The following RALGPS2 variants were observed in gnomAD, a reference collection of about 807,000 sequenced individuals.
RALGPS2 encodes ras-specific guanine nucleotide-releasing factor RalGPS2.
In RALGPS2, 43 loss-of-function variants were observed where a neutral mutation model predicts 86.8. The observed-to-expected ratio is 0.50, with a 90% CI of 0.39 to 0.64. The LOEUF (loss-of-function observed/expected upper bound fraction) is 0.64, where lower values mean the gene tolerates loss of function less well. Ranked by LOEUF, RALGPS2 falls within the 30% of genes least tolerant of loss-of-function variation. RALGPS2 has a pLI of 0.00. For missense variants in RALGPS2, 536 were observed against 694.6 expected (o/e 0.77, Z 2.57); for synonymous variants, 243 against 231.3 (o/e 1.05, Z -0.46).
At chr1:178,894,235 C>T (rs1171075169) in intron 16 of RALGPS2, 8 of 378,208 alleles carry the variant, frequency 2.1e-5, no homozygotes, top group African/African-American at 6.2e-5. Flanking sequence ...ACCAAATTAC[C>T]ATCATTTGGA....
At chr1:178,813,019 GC>G (rs1655059219) in intron 6 of RALGPS2, among the ~76,000 whole-genome samples, 1 of 143,944 alleles carries the variant, frequency 6.9e-6, no homozygotes, top group African/African-American at 2.6e-5. Context: ...TGCAAACTCT[GC>G]CTCCCGAGTT....
At chr1:178,896,665 T>G (rs1440588293) in intron 16 of RALGPS2, among the ~76,000 whole-genome samples, 3 of 141,920 alleles carry the variant, frequency 2.1e-5, no homozygotes, top group Non-Finnish European at 4.6e-5. Context: ...CCTGTGTCCA[T>G]GTGATCTCAT....
chr1:178,761,116 A>G (rs1352700590), intron 1 of RALGPS2, among the ~76,000 whole-genome samples: 1 of 151,810 alleles, frequency 6.6e-6, no homozygotes, highest in Non-Finnish European at 1.5e-5. Context: ...CTGACATTAC[A>G]GGTATGTGCC....
intron 14 of RALGPS2, among the ~76,000 whole-genome samples, chr1:178,890,779 CTTTG>C (rs1285123515): frequency 6.6e-6 from 1 of 151,812 alleles, no homozygotes; most frequent in Non-Finnish European, 1.5e-5. Context: ...CTTTTGTTCT[CTTTG>C]TTTTGCGGGA....
chr1:178,829,008 T>C (rs1305268183), intron 7 of RALGPS2, among the ~76,000 whole-genome samples: 1 of 152,206 alleles, frequency 6.6e-6, no homozygotes, highest in African/African-American at 2.4e-5. Flanking sequence ...AGCCAGGATA[T>C]GGAACCAACC....
At chr1:178,785,198 A>G (rs1653591352) in intron 3 of RALGPS2, among the ~76,000 whole-genome samples, 1 of 152,048 alleles carries the variant, frequency 6.6e-6, no homozygotes, top group Admixed American at 6.6e-5. Context: ...CTTTTTAGTA[A>G]TATCTGATTT....
At chr1:178,805,639 C>T (rs1251250811) in intron 4 of RALGPS2, among the ~76,000 whole-genome samples, 1 of 152,084 alleles carries the variant, frequency 6.6e-6, no homozygotes, top group Non-Finnish European at 1.5e-5. Context: ...CATAATATAT[C>T]TAAATCCTTA....
intron 13 of RALGPS2, among the ~76,000 whole-genome samples, chr1:178,887,923 T>C (rs1357732402): frequency 6.6e-6 from 1 of 152,200 alleles, no homozygotes; most frequent in African/African-American, 2.4e-5. Context: ...GAATTTGGCA[T>C]GCCACTTAAA....
chr1:178,888,664 A>G (rs1659592167), intron 13 of RALGPS2, among the ~76,000 whole-genome samples: 1 of 152,208 alleles, frequency 6.6e-6, no homozygotes, highest in Non-Finnish European at 1.5e-5. Context: ...CTTCTGAACC[A>G]TACAATACAG....
chr1:178,804,495 T>A (rs1038718663), intron 4 of RALGPS2, among the ~76,000 whole-genome samples: 6 of 141,394 alleles, frequency 4.2e-5, no homozygotes, highest in Non-Finnish European at 9.2e-5. Context: ...ATCTCATTGT[T>A]CAGTTCCCAC....
intron 1 of RALGPS2, among the ~76,000 whole-genome samples, chr1:178,771,082 A>C (rs945406546): frequency 3.3e-5 from 5 of 151,528 alleles, no homozygotes; most frequent in Non-Finnish European, 7.4e-5. Flanking sequence ...CAGGTGATCC[A>C]CCTGCCTCGG....
At chr1:178,822,239 T>C (rs1392377040) in intron 7 of RALGPS2, among the ~76,000 whole-genome samples, 1 of 152,190 alleles carries the variant, frequency 6.6e-6, no homozygotes, top group Non-Finnish European at 1.5e-5. Flanking sequence ...ATTACTTATA[T>C]GAGATCAGAG....
intron 1 of RALGPS2, among the ~76,000 whole-genome samples, chr1:178,762,053 C>T (rs934825694): frequency 6.6e-6 from 1 of 152,112 alleles, no homozygotes; most frequent in African/African-American, 2.4e-5. Flanking sequence ...TTGTTCCCCT[C>T]TTTGTGCCCA....
At chr1:178,759,733 T>C (rs1307266171) in intron 1 of RALGPS2, among the ~76,000 whole-genome samples, 1 of 150,534 alleles carries the variant, frequency 6.6e-6, no homozygotes, top group African/African-American at 2.4e-5. Context: ...GCAATATCCA[T>C]TTTTTTTTGC....
At chr1:178,792,573 G>C (rs1293948909) in intron 4 of RALGPS2, among the ~76,000 whole-genome samples, 1 of 152,200 alleles carries the variant, frequency 6.6e-6, no homozygotes, top group Non-Finnish European at 1.5e-5. Context: ...AGCTCAGTCA[G>C]TTATATATAT....
intron 8 of RALGPS2, among the ~76,000 whole-genome samples, chr1:178,839,248 A>G (rs889922162): frequency 4.6e-5 from 7 of 152,204 alleles, no homozygotes; most frequent in African/African-American, 1.7e-4. Context: ...AAAAATGTTA[A>G]GGACAGCCAG....
chr1:178,869,014 A>G (rs1171380377), intron 8 of RALGPS2: 1 of 152,046 alleles, frequency 6.6e-6, no homozygotes, highest in Non-Finnish European at 1.5e-5. Context: ...TTTTGAAGCA[A>G]AAGATCCATA....
At chr1:178,872,278 A>G (rs1572436060) in intron 8 of RALGPS2, among the ~76,000 whole-genome samples, 1 of 152,190 alleles carries the variant, frequency 6.6e-6, no homozygotes. Flanking sequence ...AGAATCATTT[A>G]TTTGAATTCC....
chr1:178,866,374 T>A (rs1201424013), intron 8 of RALGPS2, among the ~76,000 whole-genome samples: 1 of 152,200 alleles, frequency 6.6e-6, no homozygotes, highest in African/African-American at 2.4e-5. Context: ...TAGGGAAATC[T>A]AAACCCAGAT....
Sources: allele counts gnomAD v4.1 joint callset (sites outside exome capture counted in the v4.1 genomes callset), GRCh38; gene constraint gnomAD v4.1.1; transcripts MANE v1.5; gene names NCBI Gene and HGNC (gene_info 2026-07-23, HGNC 2026-07-21).